The following COL27A1 variants were observed in gnomAD, a reference collection of about 807,000 sequenced individuals.
COL27A1 encodes the protein collagen alpha-1(XXVII) chain.
COL27A1 carries 106 observed loss-of-function variants against 251.3 expected under a neutral mutation model. That is an observed-to-expected ratio of 0.42 (90% CI 0.36 to 0.50). The LOEUF is 0.50. COL27A1 is among the 20% of genes least tolerant of loss of function. The pLI is 0.00. For synonymous variants in COL27A1, 1,000 were observed against 986.3 expected (o/e 1.01, Z -0.26); for missense variants, 2,325 against 2,522.8 (o/e 0.92, Z 1.68).
intron 5 of COL27A1, among the ~76,000 whole-genome samples, chr9:114,184,041 G>A (rs1287670023): frequency 6.6e-6 from 1 of 152,176 alleles, no homozygotes; most frequent in Non-Finnish European, 1.5e-5. Context: ...TTTGTGGAAT[G>A]GCTGGAGAGA....
intron 12 of COL27A1, among the ~76,000 whole-genome samples, chr9:114,215,831 A>G (rs911673044): frequency 1.3e-5 from 2 of 152,226 alleles, no homozygotes; most frequent in Non-Finnish European, 2.9e-5. Flanking sequence ...CAGGGGCTGC[A>G]TTAGAAACAT....
In COL27A1 at chr9:114,270,757, C is replaced by T; in HGVS notation, c.3585C>T (p.Gly1195=). ...RGEPGLEGDS[G]PMGPDGLKGD... Reference sequence around the variant, plus strand: ...AGCCAGGCCTTGAGGGTGACAGTGGCCCCATGGGACCTGATGGGCTGAAGG... The same window carrying T: ...AGCCAGGCCTTGAGGGTGACAGTGGTCCCATGGGACCTGATGGGCTGAAGG... Residue 1195 remains glycine (G), a synonymous_variant, in exon 36 of 61, where the codon GGC becomes GGT. Transcript: ENST00000356083. The T allele has an allele frequency of 6.2e-7, 1 of 1,612,978 alleles. No homozygotes were observed. Among genetic ancestry groups the T allele is most frequent in the Non-Finnish European group, 8.5e-7 (1 of 1,179,382 alleles).
At chr9:114,222,302 G>A (rs767803477) in intron 14 of COL27A1, 35 bp downstream of exon 14, 6 of 1,599,192 alleles carry the variant, frequency 3.8e-6, no homozygotes, top group Admixed American at 3.3e-5. Context: ...GCAGGTGGGT[G>A]TTGAGGAGAC....
At chr9:114,234,212 TAAAAAA>T (rs11415885) in intron 16 of COL27A1, among the ~76,000 whole-genome samples, 2 of 89,368 alleles carry the variant, frequency 2.2e-5, no homozygotes, top group Admixed American at 2.6e-4. Context: ...TCTTGGACAT[TAAAAAA>T]AAAAAAAAAA....
At chr9:114,185,723 ATCC>A (rs985677519) in intron 5 of COL27A1, among the ~76,000 whole-genome samples, 11 of 152,226 alleles carry the variant, frequency 7.2e-5, no homozygotes, top group African/African-American at 2.4e-4. Flanking sequence ...ACATCCATTC[ATCC>A]TCCTTCAGTC....
chr9:114,291,365 A>T (rs1280868493), intron 48 of COL27A1, among the ~76,000 whole-genome samples: 1 of 152,150 alleles, frequency 6.6e-6, no homozygotes, highest in South Asian at 2.1e-4. Flanking sequence ...TCTGAGCTCG[A>T]GGTTTAATTG....
intron 30 of COL27A1, 40 bp from the exon 31 acceptor site, chr9:114,265,026 T>G (rs758034202): frequency 3.9e-5 from 63 of 1,612,480 alleles, no homozygotes; most frequent in Admixed American, 5.0e-5. Context: ...CTCCGTGCTT[T>G]GTGATCTGAG....
In COL27A1 at chr9:114,288,484, G is replaced by T; in HGVS notation, c.4017G>T (p.Glu1339Asp). ...KGEQGEDGKAEGPPGPPGDRG... is the reference protein window; with the variant it reads ...KGEQGEDGKADGPPGPPGDRG... ...AGCAGGGCGAGGACGGCAAGGCTGA[G>T]GGGCCCCCTGGGCCACCTGGAGATC... Residue 1339 changes from glutamate (E) to aspartate (D), a missense_variant, in exon 42 of 61, where the codon GAG becomes GAT. Coordinates refer to ENST00000356083, the MANE Select transcript of COL27A1 (RefSeq NM_032888.4). 1 of 1,609,034 alleles carries T rather than the reference G, an allele frequency of 6.2e-7. No individual in the cohort carries two copies. Among genetic ancestry groups the T allele is most frequent in the South Asian group, 1.1e-5 (1 of 89,446 alleles).
intron 49 of COL27A1, among the ~76,000 whole-genome samples, chr9:114,299,649 C>T (rs1055449073): frequency 2.6e-5 from 4 of 152,166 alleles, no homozygotes; most frequent in African/African-American, 7.2e-5. Context: ...GGAAGTGTGG[C>T]GGTCCAGGCA....
chr9:114,304,759 A>G, intron 57 of COL27A1, 86 bp downstream of exon 57: 1 of 1,183,114 alleles, frequency 8.5e-7, no homozygotes, highest in East Asian at 2.4e-5. Context: ...AGTGCCTTCC[A>G]TGTGGCCTGC....
chr9:114,220,716 G>T (rs1360536023), intron 13 of COL27A1, among the ~76,000 whole-genome samples: 1 of 152,142 alleles, frequency 6.6e-6, no homozygotes, highest in African/African-American at 2.4e-5. Context: ...GCCTGAGGCC[G>T]GGCGCAGTGG....
At chr9:114,289,947 C>T in intron 45 of COL27A1, 111 bp from the exon 46 acceptor site, 2 of 1,216,508 alleles carry the variant, frequency 1.6e-6, no homozygotes, top group East Asian at 2.3e-5. Flanking sequence ...ACATCTGTGG[C>T]ATCAGATGTT....
chr9:114,261,817 C>G (rs1035006816), intron 28 of COL27A1, among the ~76,000 whole-genome samples: 1 of 152,228 alleles, frequency 6.6e-6, no homozygotes, highest in African/African-American at 2.4e-5. Flanking sequence ...CATTTCCTAG[C>G]TGTGTGACCA....
intron 14 of COL27A1, among the ~76,000 whole-genome samples, chr9:114,228,385 A>C (rs1225772464): frequency 8.5e-5 from 13 of 152,118 alleles, no homozygotes; most frequent in Admixed American, 7.2e-4. Context: ...ATCAGGGGGA[A>C]CTCTGGGCGG....
At chr9:114,199,209 C>G (rs1165818523) in intron 7 of COL27A1, among the ~76,000 whole-genome samples, 1 of 152,176 alleles carries the variant, frequency 6.6e-6, no homozygotes, top group Non-Finnish European at 1.5e-5. Context: ...CCCCAGGGAA[C>G]AGTTGGCAGT....
intron 5 of COL27A1, among the ~76,000 whole-genome samples, chr9:114,189,010 A>C (rs999815201): frequency 6.6e-6 from 1 of 152,214 alleles, no homozygotes; most frequent in African/African-American, 2.4e-5. Context: ...AAGAGTATTC[A>C]TGATGATTTT....
At chr9:114,304,432 A>T in intron 56 of COL27A1, 176 bp from the exon 57 acceptor site, 1 of 625,874 alleles carries the variant, frequency 1.6e-6, no homozygotes, top group East Asian at 2.7e-5. Flanking sequence ...ACCTGGGGAA[A>T]GGGAATGGCA....
In COL27A1 at chr9:114,210,987, G is replaced by A. The variant is rs779051348; in HGVS notation, c.2328G>A (p.Leu776=). 1 of 1,614,192 alleles carries A rather than the reference G, an allele frequency of 6.2e-7. No homozygotes were observed. Among genetic ancestry groups the A allele is most frequent in the Non-Finnish European group, 8.5e-7 (1 of 1,180,026 alleles). ...CCCCTGTCTCTCCCCTGCAGGGCCT[G>A]CCTGGCGTTCCTGGCAAGAGGGGCA... ...GLPGSDGERG[L]PGVPGKRGKM... is the part of the protein sequence containing the mutation. Residue 776 remains leucine (L), a synonymous_variant, in exon 12 of 61, where the codon CTG becomes CTA. Transcript: ENST00000356083.
rs765159548 is a variant in COL27A1, at chr9:114,250,647, G to A, written c.3012G>A (p.Glu1004=). ...GFMGFIGLVG[E]PGIVGEKGDR... is the part of the protein sequence containing the mutation. ...TGGGATTCATTGGTCTGGTCGGGGA[G>A]CCAGGAATCGTGGGAGAAAAGGTAA... The change falls in exon 25 of 61, where the codon GAG becomes GAA. Residue 1004 remains glutamate, a synonymous_variant. Transcript: ENST00000356083. 6.2e-7 allele frequency: 1 copy of A among 1,612,166 alleles called. No homozygotes were observed. Among genetic ancestry groups the A allele is most frequent in the South Asian group, 1.1e-5 (1 of 91,068 alleles).
Sources: allele counts gnomAD v4.1 joint callset (sites outside exome capture counted in the v4.1 genomes callset), GRCh38; gene constraint gnomAD v4.1.1; transcripts MANE v1.5; gene names NCBI Gene and HGNC (gene_info 2026-07-23, HGNC 2026-07-21).